SLC12A8: variants seen among roughly 807,000 people sequenced by gnomAD.
SLC12A8 encodes solute carrier family 12 member 8, also known as cation-chloride cotransporter 9.
Under a neutral mutation model 75.6 loss-of-function variants are expected in SLC12A8, and 69 were observed. The observed-to-expected ratio is 0.91, with a 90% CI of 0.75 to 1.11. The LOEUF is 1.11. SLC12A8 is among the 50% of genes most tolerant of loss of function. The pLI is 0.00. For synonymous variants in SLC12A8, 365 were observed against 372.8 expected (o/e 0.98, Z 0.24); for missense variants, 877 against 896.7 (o/e 0.98, Z 0.28).
intron 5 of SLC12A8, among the ~76,000 whole-genome samples, chr3:125,163,235 G>A (rs933064972): frequency 6.6e-6 from 1 of 151,858 alleles, no homozygotes; most frequent in Non-Finnish European, 1.5e-5. Context: ...GGGAAGTTGA[G>A]GCTGCAGTAG....
intron 10 of SLC12A8, among the ~76,000 whole-genome samples, chr3:125,093,479 T>G (rs1248621220): frequency 1.3e-5 from 2 of 152,196 alleles, no homozygotes; most frequent in East Asian, 3.9e-4. Context: ...TCCTGGAATC[T>G]ATCTGGGATC....
chr3:125,123,371 G>GAAAAAAAAAAAAAAAAAAAA (rs34868769), intron 6 of SLC12A8, among the ~76,000 whole-genome samples: 1 of 103,948 alleles, frequency 9.6e-6, no homozygotes. Context: ...TCCATCTCAG[G>GAAAAAAAAAAAAAAAAAAAA]AAAAAAAAAA....
At chr3:125,203,732 A>G (rs1435764518) in intron 2 of SLC12A8, among the ~76,000 whole-genome samples, 1 of 152,244 alleles carries the variant, frequency 6.6e-6, no homozygotes, top group Non-Finnish European at 1.5e-5. Context: ...ACAAAAATAG[A>G]CAAATGGGGT....
intron 2 of SLC12A8, among the ~76,000 whole-genome samples, chr3:125,193,611 G>A (rs1215568708): frequency 2.6e-5 from 4 of 152,200 alleles, no homozygotes; most frequent in Non-Finnish European, 4.4e-5. Flanking sequence ...ACCACGGTCT[G>A]CAGTACGGGC....
rs2107726294 is a variant in SLC12A8 at position 125,082,810 on chromosome 3, A to ACTG, written c.*1079_*1080insCAG. ...TCACTGCAGAGCTGATTGTCATTGC[A>ACTG]AAAGATTGGAAAGAATCCAAATGCT... On this transcript the variant is annotated 3_prime_UTR_variant, in exon 14 of 14. Transcript: ENST00000469902. 1 of 152,246 alleles carries ACTG rather than the reference A, an allele frequency of 6.6e-6. No homozygotes were observed. The highest frequency in any genetic ancestry group is 1.9e-4 in the East Asian group (1 of 5,202). The allele number at this position is 152,246 out of a possible 1,614,324, so 9.4% of individuals were successfully genotyped here. A position where few individuals can be genotyped will look rare whatever the true frequency, so the allele number is the denominator to read the frequency against.
chr3:125,088,232 A>G (rs1938507926), intron 13 of SLC12A8, 78 bp downstream of exon 13: 1 of 1,454,576 alleles, frequency 6.9e-7, no homozygotes, highest in African/African-American at 1.4e-5. Flanking sequence ...AAGCCCAGCC[A>G]GGAATGGGAC....
intron 5 of SLC12A8, among the ~76,000 whole-genome samples, chr3:125,146,164 A>T (rs968736595): frequency 5.3e-5 from 8 of 152,166 alleles, no homozygotes; most frequent in African/African-American, 1.9e-4. Context: ...ATTTTTATCT[A>T]TTTTTGGACC....
chr3:125,086,388 G>A (rs1026519556), intron 13 of SLC12A8, among the ~76,000 whole-genome samples: 5 of 152,106 alleles, frequency 3.3e-5, no homozygotes, highest in African/African-American at 1.2e-4. Context: ...TCTCCCCCTA[G>A]TACATTCTTC....
At chr3:125,135,866 A>G in intron 5 of SLC12A8, 84 bp from the exon 6 acceptor site, 2 of 742,278 alleles carry the variant, frequency 2.7e-6, no homozygotes, top group East Asian at 2.7e-5. Flanking sequence ...TATTTCATAT[A>G]TCGCTTTAAA....
intron 2 of SLC12A8, among the ~76,000 whole-genome samples, chr3:125,210,512 G>C (rs1935315509): frequency 6.6e-6 from 1 of 152,154 alleles, no homozygotes; most frequent in Non-Finnish European, 1.5e-5. Flanking sequence ...ATCTCAGAAT[G>C]TCTTATTTGT....
At chr3:125,146,037 C>T (rs1322048644) in intron 5 of SLC12A8, among the ~76,000 whole-genome samples, 1 of 152,142 alleles carries the variant, frequency 6.6e-6, no homozygotes, top group African/African-American at 2.4e-5. Flanking sequence ...ACTTTGTTGC[C>T]CAGGCTGGTC....
intron 6 of SLC12A8, among the ~76,000 whole-genome samples, chr3:125,131,710 GC>G (rs1560062143): frequency 6.6e-6 from 1 of 152,150 alleles, no homozygotes; most frequent in Non-Finnish European, 1.5e-5. Flanking sequence ...TAACAGCAAA[GC>G]CTTAAAACAA....
In SLC12A8 at chr3:125,108,043, G is replaced by A. The variant is rs1203170339; in HGVS notation, c.1143C>T (p.Asn381=). 1.3e-5 allele frequency: 21 copies of A among 1,614,052 alleles called. No individual in the cohort carries two copies. The highest frequency in any genetic ancestry group is 1.6e-4 in the Middle Eastern group (1 of 6,084). ...TGATGGTGACGATGGGGGCCAGAAC[G>A]TTCACTTGACCCACAAAAACAAAGG... is the stretch of plus-strand genomic sequence containing the variant. ...TMAFVFVGQV[N]VLAPIVTINF... is the part of the protein sequence containing the mutation. The change falls in exon 10 of 14, where the codon AAC becomes AAT. Residue 381 remains asparagine, a synonymous_variant. Transcript: ENST00000469902.
chr3:125,209,288 C>T (rs554523023), intron 2 of SLC12A8, among the ~76,000 whole-genome samples: 1 of 152,316 alleles, frequency 6.6e-6, no homozygotes, highest in African/African-American at 2.4e-5. Context: ...ATCAAACATG[C>T]CTGGCTTTAC....
chr3:125,206,214 T>C (rs921330974), intron 2 of SLC12A8, among the ~76,000 whole-genome samples: 1 of 152,198 alleles, frequency 6.6e-6, no homozygotes, highest in Non-Finnish European at 1.5e-5. Flanking sequence ...TCAGAAAATA[T>C]GAGCCAAGCT....
chr3:125,205,948 A>G lies in SLC12A8; in HGVS notation c.51+5351T>C, dbSNP rs540003890. On this transcript the variant is annotated intron_variant, in intron 2 of 13. Transcript: ENST00000469902. The stretch of plus-strand genomic sequence containing the variant: ...TTTGGGCCCCAGTGTCCTCATCTTA[A>G]AAAGAGGGGCTTCAAGAGATATAAA... 2.6e-5 allele frequency among the ~76,000 whole-genome samples: 4 copies of G among 152,276 alleles called. No homozygotes were observed. The South Asian group carries it at 6.2e-4, about 24-fold the overall frequency.
chr3:125,120,645 G>A lies in SLC12A8; in HGVS notation c.778C>T (p.Pro260Ser), dbSNP rs1933031436. 6.2e-7 allele frequency: 1 copy of A among 1,613,642 alleles called. No individual in the cohort carries two copies. Among genetic ancestry groups the A allele is most frequent in the South Asian group, 1.1e-5 (1 of 90,990 alleles). The change falls in exon 7 of 14, where the codon CCT (proline) becomes TCT (serine). Residue 260 changes from proline (P) to serine (S), a missense_variant. By Grantham distance (74) the Pro-to-Ser change is moderately conservative. Transcript: ENST00000469902. ...GFNMGGDLRE[P>S]AASIPLGSLA... ...GAGCCCAGGGGAATGCTGGCGGCAG[G>A]CTCCCTGAGGTCGCCCCCCATGTTG...
At chr3:125,212,471 C>T (rs563567444) in intron 1 of SLC12A8, among the ~76,000 whole-genome samples, 1 of 152,282 alleles carries the variant, frequency 6.6e-6, no homozygotes, top group Admixed American at 6.5e-5. Context: ...ACGTTTGGGC[C>T]ACGCTGGGAC....
At chr3:125,208,127 C>T (rs1935260380) in intron 2 of SLC12A8, among the ~76,000 whole-genome samples, 1 of 152,214 alleles carries the variant, frequency 6.6e-6, no homozygotes, top group Admixed American at 6.5e-5. Context: ...AAAGTGCCTC[C>T]AGACAGAGGC....
Sources: allele counts gnomAD v4.1 joint callset (sites outside exome capture counted in the v4.1 genomes callset), GRCh38; gene constraint gnomAD v4.1.1; transcripts MANE v1.5; gene names NCBI Gene and HGNC (gene_info 2026-07-23, HGNC 2026-07-21).